Variants in ZC3H18 observed in about 807,000 individuals in gnomAD.
The protein encoded by ZC3H18 is zinc finger CCCH domain-containing protein 18.
In ZC3H18, 8 loss-of-function variants were observed where a neutral mutation model predicts 106.1. That is an observed-to-expected ratio of 0.08 (90% confidence interval 0.04 to 0.14). ZC3H18 has a LOEUF of 0.14. Ranked by LOEUF, ZC3H18 falls within the 10% of genes least tolerant of loss-of-function variation. The pLI is 1.00. For missense variants in ZC3H18, 1,318 were observed against 1,278.4 expected (o/e 1.03, Z -0.47); for synonymous variants, 635 against 522.1 (o/e 1.22, Z -2.95).
At chr16:88,607,292 T>C (rs1211305000) in intron 6 of ZC3H18, among the ~76,000 whole-genome samples, 1 of 152,206 alleles carries the variant, frequency 6.6e-6, no homozygotes, top group Non-Finnish European at 1.5e-5. Context: ...CTTTTTAGGA[T>C]GTTTAATGTC....
At chr16:88,626,418 AAAAG>A (rs1906313542) in intron 13 of ZC3H18, 1 of 152,246 alleles carries the variant, frequency 6.6e-6, no homozygotes, top group African/African-American at 2.4e-5. Context: ...TAGTTGTTTT[AAAAG>A]AAAGTATTAA....
At chr16:88,600,037 C>G in intron 6 of ZC3H18, 89 bp downstream of exon 6, 3 of 1,504,782 alleles carry the variant, frequency 2.0e-6, no homozygotes, top group East Asian at 4.6e-5. Context: ...CCCCAGGGTG[C>G]GCTCGGCTGA....
At chr16:88,624,520 C>G (rs1906173695) in intron 11 of ZC3H18, 82 bp from the exon 12 acceptor site, 20 of 1,602,878 alleles carry the variant, frequency 1.2e-5, no homozygotes, top group Non-Finnish European at 1.6e-5. Flanking sequence ...GTTCCCCGAG[C>G]TGTGGGTCCA....
chr16:88,575,867 C>G (rs1280401566), intron 1 of ZC3H18, among the ~76,000 whole-genome samples: 1 of 150,538 alleles, frequency 6.6e-6, no homozygotes, highest in Non-Finnish European at 1.5e-5. Flanking sequence ...GCACGCACCA[C>G]CACACTCTGT....
chr16:88,631,248 C>T lies in ZC3H18; in HGVS notation c.2811C>T (p.Ala937=), dbSNP rs759913601. Residue 937 remains alanine, a synonymous_variant, in exon 18 of 18, where the codon GCC becomes GCT. Transcript: ENST00000301011. The part of the protein sequence containing the change: ...RREELLKQLK[A]VEDAIARKRA... ...AGGAGCTGCTGAAACAGCTGAAGGC[C>T]GTGGAGGATGCTATTGCACGCAAGC... is the stretch of plus-strand genomic sequence containing the variant. The T allele has an allele frequency of 2.1e-5, 34 of 1,611,326 alleles. No homozygotes were observed. Among genetic ancestry groups the T allele is most frequent in the Middle Eastern group, 1.6e-4 (1 of 6,078 alleles).
chr16:88,623,792 C>T (rs926311763), intron 10 of ZC3H18, 166 bp from the exon 11 acceptor site: 2 of 1,305,536 alleles, frequency 1.5e-6, no homozygotes, highest in Non-Finnish European at 2.0e-6. Flanking sequence ...TACTCTGGGC[C>T]TGTGTTTTTA....
At chr16:88,575,967 C>A (rs1914722642) in intron 1 of ZC3H18, among the ~76,000 whole-genome samples, 1 of 152,188 alleles carries the variant, frequency 6.6e-6, no homozygotes, top group Non-Finnish European at 1.5e-5. Context: ...GTGGCGCGAT[C>A]TCAGCTCACT....
At chr16:88,579,246 G>C (rs1309394105) in intron 2 of ZC3H18, among the ~76,000 whole-genome samples, 1 of 152,198 alleles carries the variant, frequency 6.6e-6, no homozygotes, top group Non-Finnish European at 1.5e-5. Context: ...AGGGCTGGCA[G>C]AGGGAAAGGA....
intron 7 of ZC3H18, 57 bp downstream of exon 7, chr16:88,609,108 C>A: frequency 7.0e-7 from 1 of 1,421,320 alleles, no homozygotes; most frequent in South Asian, 1.2e-5. Flanking sequence ...TTCAAGTTAT[C>A]CCTTTTTATT....
chr16:88,600,288 C>T (rs1482043581), intron 6 of ZC3H18, among the ~76,000 whole-genome samples: 2 of 152,172 alleles, frequency 1.3e-5, no homozygotes, highest in Non-Finnish European at 2.9e-5. Context: ...GCCCACATTA[C>T]CCAGGAGCCA....
rs1158582791 is a variant in ZC3H18, at chr16:88,576,996, G to T, written c.-14-114G>T. 24 of 1,089,126 alleles carry T rather than the reference G, an allele frequency of 2.2e-5. No individual in the cohort carries two copies. In the Admixed American group the frequency reaches 4.7e-4, roughly 21 times the overall value. 67.5% of individuals were successfully genotyped at this position (1,089,126 alleles called of 1,614,324 possible). A position where few individuals can be genotyped will look rare whatever the true frequency, so the allele number is the denominator to read the frequency against. ...GAGTGGAGTGTGGGATTTGGGGCAGGGCCGTGTGGGACCAAGCAGGATGGA... is the reference window on the plus strand; with the variant it reads ...GAGTGGAGTGTGGGATTTGGGGCAGTGCCGTGTGGGACCAAGCAGGATGGA... On this transcript the variant is annotated intron_variant, in intron 1 of 17. Transcript: ENST00000301011.
chr16:88,622,086 T>G, intron 8 of ZC3H18, 111 bp from the exon 9 acceptor site: 1 of 1,287,652 alleles, frequency 7.8e-7, no homozygotes, highest in African/African-American at 1.5e-5. Flanking sequence ...TCTCAGGTGA[T>G]CCTTAAATAA....
At position 88,575,111 on chromosome 16, in the gene ZC3H18, G is replaced by C. The variant is rs888569490; in HGVS notation, c.-14-1999G>C. 5.3e-4 allele frequency among the ~76,000 whole-genome samples: 80 copies of C among 151,882 alleles called. 1 individual carries two copies. Among genetic ancestry groups the C allele is most frequent in the Non-Finnish European group, 9.0e-4 (61 of 67,862 alleles). On this transcript the variant is annotated intron_variant, in intron 1 of 17. Transcript: ENST00000301011. ...CCCAAAGTGCTGGGATTACAGGCGT[G>C]AGCCACCGTGCCCGGCCTCTAATGT...
At position 88,598,387 on chromosome 16, in the gene ZC3H18, CAAGCTT is replaced by C; in HGVS notation, c.837+65_837+70del. The stretch of plus-strand genomic sequence containing the variant: ...AGCCAACTGAGCTGTGTCTGAATCT[CAAGCTT>C]AAGACAAGTCACTGTGCCTTAGCAC... On this transcript the variant is annotated intron_variant, in intron 4 of 17. Transcript: ENST00000301011. The C allele has an allele frequency of 9.0e-6, 14 of 1,551,406 alleles. No homozygotes were observed. In the South Asian group the frequency reaches 1.4e-4, roughly 15 times the overall value.
At chr16:88,591,921 C>T (rs968692897) in intron 3 of ZC3H18, among the ~76,000 whole-genome samples, 1 of 151,028 alleles carries the variant, frequency 6.6e-6, no homozygotes, top group Non-Finnish European at 1.5e-5. Flanking sequence ...TTTGAGGAAC[C>T]GCTGGCAGCG....
intron 3 of ZC3H18, chr16:88,587,497 T>C (rs918057608): frequency 4.7e-6 from 7 of 1,488,368 alleles, no homozygotes; most frequent in Admixed American, 3.9e-5. Flanking sequence ...CCAGCCTGTG[T>C]GTGCCATCTA....
At chr16:88,606,610 C>T (rs1231618903) in intron 6 of ZC3H18, among the ~76,000 whole-genome samples, 2 of 152,232 alleles carry the variant, frequency 1.3e-5, no homozygotes, top group African/African-American at 4.8e-5. Flanking sequence ...CCATGCACCA[C>T]CAGACCTGGC....
At chr16:88,580,202 G>GTGTGTA (rs1915033698) in intron 2 of ZC3H18, among the ~76,000 whole-genome samples, 10 of 100,490 alleles carry the variant, frequency 1.0e-4, no homozygotes, top group Non-Finnish European at 1.7e-4. Context: ...GTGTGTGTGT[G>GTGTGTA]TGTGTGTATA....
intron 13 of ZC3H18, chr16:88,625,951 T>C (rs1041264411): frequency 1.3e-5 from 2 of 149,398 alleles, no homozygotes; most frequent in African/African-American, 5.0e-5. Flanking sequence ...GCCCCCTGAG[T>C]AGCTGAGACT....
Sources: allele counts gnomAD v4.1 joint callset (sites outside exome capture counted in the v4.1 genomes callset), GRCh38; gene constraint gnomAD v4.1.1; transcripts MANE v1.5; gene names NCBI Gene and HGNC (gene_info 2026-07-23, HGNC 2026-07-21).